The following NAT9 variants were observed in gnomAD, a reference collection of about 807,000 sequenced individuals.
The protein encoded by NAT9 is alpha/beta-tubulin-N-acetyltransferase 9.
NAT9 carries 18 observed loss-of-function variants against 24.0 expected under a neutral mutation model. That is an observed-to-expected ratio of 0.75 (90% CI 0.52 to 1.11). The LOEUF is 1.11. Ranked by LOEUF, NAT9 falls within the 50% of genes most tolerant of loss-of-function variation. The pLI, the probability that NAT9 is intolerant of heterozygous loss-of-function variation, is 0.00. For synonymous variants in NAT9, 104 were observed against 102.3 expected, an observed-to-expected ratio of 1.02 and a Z score of -0.10; for missense variants, 254 against 258.6, an observed-to-expected ratio of 0.98 and a Z score of 0.12.
chr17:74,776,264 C>G lies in NAT9; in HGVS notation c.-10+3G>C, dbSNP rs1021280572. 24 of 152,716 alleles carry G rather than the reference C, an allele frequency of 1.6e-4. No homozygotes were observed. The highest frequency in any genetic ancestry group is 5.8e-4 in the African/African-American group (24 of 41,488). The allele number at this position is 152,716 out of a possible 1,614,324, so 9.5% of individuals were successfully genotyped here. ...ACCCGGGTACTGCCAAGCTCACACC[C>G]ACCTACCACCGACGAAATCGTCCCC... On this transcript the variant is annotated splice_donor_region_variant and intron_variant, in intron 1 of 6. Coordinates refer to ENST00000357814, the MANE Select transcript of NAT9 (RefSeq NM_015654.5).
intron 4 of NAT9, 94 bp from the exon 5 acceptor site, chr17:74,772,371 T>G: frequency 2.0e-6 from 3 of 1,519,566 alleles, no homozygotes; most frequent in South Asian, 1.2e-5. Flanking sequence ...TCAACAACTC[T>G]GAAGTTGCTA....
chr17:74,775,648 T>C lies in NAT9; in HGVS notation c.51A>G (p.Val17=). ...TGGGCACATGCTCCGAGGTGTAGGGTACAAGGACCACCTTCTTCCCCAGCA... is the reference window on the plus strand; with the variant it reads ...TGGGCACATGCTCCGAGGTGTAGGGCACAAGGACCACCTTCTTCCCCAGCA... The part of the protein sequence containing the change: ...TLLLGKKVVL[V]PYTSEHVPSR... The change falls in exon 2 of 7, where the codon GTA becomes GTG. Residue 17 remains valine (V), a synonymous_variant. Transcript: ENST00000357814. The C allele has an allele frequency of 6.2e-7, 1 of 1,613,968 alleles. No individual in the cohort carries two copies. The highest frequency in any genetic ancestry group is 1.1e-5 in the South Asian group (1 of 91,084).
In NAT9 at chr17:74,772,951, G is replaced by A; in HGVS notation, c.279C>T (p.Leu93=). 1.2e-6 allele frequency: 2 copies of A among 1,614,218 alleles called. No homozygotes were observed. Among genetic ancestry groups the A allele is most frequent in the South Asian group, 1.1e-5 (1 of 91,086 alleles). Residue 93 remains leucine (L), a synonymous_variant, in exon 4 of 7, where the codon CTC becomes CTT. Coordinates refer to ENST00000357814, the MANE Select transcript of NAT9 (RefSeq NM_015654.5). ...TGAGGTCTTCTAGATCTGTGAGGAAGAGGTTCACATCTCCCACCATGCAGC... is the reference window on the plus strand; with the variant it reads ...TGAGGTCTTCTAGATCTGTGAGGAAAAGGTTCACATCTCCCACCATGCAGC... ...EESCMVGDVN[L]FLTDLEDLTL...
At position 74,775,699 on chromosome 17, in the gene NAT9, G is replaced by C; in HGVS notation, c.-1C>G. On this transcript the variant is annotated 5_prime_UTR_variant, in exon 2 of 7. Coordinates refer to ENST00000357814, the MANE Select transcript of NAT9 (RefSeq NM_015654.5). ...GCAAGGTGTTCTGATTCAACCTCAT[G>C]GTAGCAGCCTGCATGCAGATGGGGA... 2 of 1,614,010 alleles carry C rather than the reference G, an allele frequency of 1.2e-6. No homozygotes were observed. The highest frequency in any genetic ancestry group is 1.7e-6 in the Non-Finnish European group (2 of 1,179,902).
chr17:74,771,979 T>A lies in NAT9; in HGVS notation c.470A>T (p.Gln157Leu), dbSNP rs759239810. The A allele has an allele frequency of 1.2e-6, 2 of 1,614,264 alleles. No homozygotes were observed. The highest frequency in any genetic ancestry group is 1.7e-5 in the Admixed American group (1 of 60,026). ...QGNEPSIRMF[Q>L]KLHFEQVATS... ...CCTTACCTGCTCAAAGTGAAGTTTC[T>A]GGAACATCCGGATGCTTGGTTCATT... The change falls in exon 6 of 7, where the codon CAG becomes CTG. Residue 157 changes from glutamine (Q) to leucine (L), a missense_variant. Transcript: ENST00000357814.
chr17:74,773,981 T>C (rs1598377851), intron 2 of NAT9: 2 of 292,394 alleles, frequency 6.8e-6, no homozygotes, highest in Admixed American at 8.3e-5. Context: ...GGGATGTATA[T>C]GGCAAGCCAA....
chr17:74,774,673 C>A (rs2035743071), intron 2 of NAT9, among the ~76,000 whole-genome samples: 2 of 151,458 alleles, frequency 1.3e-5, no homozygotes, highest in Admixed American at 1.3e-4. Flanking sequence ...CCTCAGCCTC[C>A]CGAGTAGCTG....
rs558080942 is a variant in NAT9 at position 74,775,484 on chromosome 17, C to A, written c.77+138G>T. On this transcript the variant is annotated intron_variant, in intron 2 of 6. Coordinates refer to ENST00000357814, the MANE Select transcript of NAT9 (RefSeq NM_015654.5). Reference sequence around the variant, plus strand: ...AATTACAGGCGTGAGCCACGGCACCCAGCCTTTTTTCCCCCCTCATATATA... The same window carrying A: ...AATTACAGGCGTGAGCCACGGCACCAAGCCTTTTTTCCCCCCTCATATATA... 4 of 698,050 alleles carry A rather than the reference C, an allele frequency of 5.7e-6. No individual in the cohort carries two copies. The East Asian group carries it at 9.2e-5, about 16-fold the overall frequency. The allele number at this position is 698,050 out of a possible 1,614,324, so 43.2% of individuals were successfully genotyped here.
intron 3 of NAT9, chr17:74,773,374 A>G (rs1021957477): frequency 8.3e-6 from 5 of 600,070 alleles, no homozygotes; most frequent in African/African-American, 1.9e-5. Context: ...TCCAAGCCCG[A>G]TGCAGTGGGT....
chr17:74,773,376 G>A lies in NAT9; in HGVS notation c.190+200C>T, dbSNP rs1024821105. ...TTCTCCAAATCCTTCCAAGCCCGAT[G>A]CAGTGGGTGGGGAAGAGGACAGAAG... On this transcript the variant is annotated intron_variant, in intron 3 of 6. Transcript: ENST00000357814. The A allele has an allele frequency of 5.0e-6, 3 of 600,090 alleles. No homozygotes were observed. In the African/African-American group the frequency reaches 5.6e-5, roughly 11 times the overall value. 37.2% of individuals were successfully genotyped at this position (600,090 alleles called of 1,614,324 possible). A position where few individuals can be genotyped will look rare whatever the true frequency, so the allele number is the denominator to read the frequency against.
chr17:74,771,509 G>C lies in NAT9; in HGVS notation c.*215C>G, dbSNP rs560306034. On this transcript the variant is annotated 3_prime_UTR_variant, in exon 7 of 7. Transcript: ENST00000357814. Reference sequence around the variant, plus strand: ...AGAGTCTGGGTCTGGGTTTGGCCGGGAGGGGAGAAGGGAACTGGCCCTGGC... The same window carrying C: ...AGAGTCTGGGTCTGGGTTTGGCCGGCAGGGGAGAAGGGAACTGGCCCTGGC... The C allele has an allele frequency of 2.8e-6, 2 of 704,750 alleles. No homozygotes were observed. The highest frequency in any genetic ancestry group is 1.8e-5 in the African/African-American group (1 of 55,838). 43.7% of individuals were successfully genotyped at this position (704,750 alleles called of 1,614,324 possible). A position where few individuals can be genotyped will look rare whatever the true frequency, so the allele number is the denominator to read the frequency against.
intron 4 of NAT9, 119 bp downstream of exon 4, chr17:74,772,775 ACT>A: frequency 6.9e-7 from 1 of 1,451,172 alleles, no homozygotes; most frequent in Non-Finnish European, 9.4e-7. Flanking sequence ...CAGGCCCTGG[ACT>A]CACCACATGG....
rs1226065840 is a variant in NAT9 at position 74,771,834 on chromosome 17, C to A, written c.514G>T (p.Glu172Ter). Residue 172 changes from glutamate (E) to a stop codon, truncating the protein, a stop_gained, in exon 7 of 7, where the codon GAG becomes TAG. Transcript: ENST00000357814. LOFTEE classifies it high-confidence loss of function. ...CTCACTGTCAGTCTGAGGGTCACCT[C>A]CTGAAAAACACTGCTCGTAGCCACC... Reference protein sequence around the residue: ...EQVATSSVFQEVTLRLTVSES... With the variant: ...EQVATSSVFQ The A allele has an allele frequency of 6.2e-7, 1 of 1,614,232 alleles. No individual in the cohort carries two copies. The highest frequency in any genetic ancestry group is 1.6e-4 in the Middle Eastern group (1 of 6,062).
chr17:74,773,371 C>G, intron 3 of NAT9: 1 of 599,532 alleles, frequency 1.7e-6, no homozygotes, highest in Middle Eastern at 4.5e-4. Context: ...CCTTCCAAGC[C>G]CGATGCAGTG....
chr17:74,770,856 G>T lies in NAT9; in HGVS notation c.*868C>A, dbSNP rs564728801. 1 of 152,218 alleles carries T rather than the reference G, an allele frequency of 6.6e-6. No homozygotes were observed. The allele number at this position is 152,218 out of a possible 1,614,324, so 9.4% of individuals were successfully genotyped here. ...CCAACTCTACTTTGTAAGCCATAGGGTGCCAGGTAGCCCGGCCACCCTGAG... is the reference window on the plus strand; with the variant it reads ...CCAACTCTACTTTGTAAGCCATAGGTTGCCAGGTAGCCCGGCCACCCTGAG... On this transcript the variant is annotated 3_prime_UTR_variant, in exon 7 of 7. Transcript: ENST00000357814.
At chr17:74,772,532 G>A in intron 4 of NAT9, 2 of 1,410,144 alleles carry the variant, frequency 1.4e-6, no homozygotes, top group Non-Finnish European at 9.2e-7. Flanking sequence ...AGCCACTTGG[G>A]GGAAACTGAG....
Position 74,771,613 on chromosome 17 carries a change from G to A in NAT9, c.*111C>T. Reference sequence around the variant, plus strand: ...GCCAGAGTCTGAAGGGCCTCGAAAGGTGATTCCCAGCCTGGGCCAGGAGCA... The same window carrying A: ...GCCAGAGTCTGAAGGGCCTCGAAAGATGATTCCCAGCCTGGGCCAGGAGCA... On this transcript the variant is annotated 3_prime_UTR_variant, in exon 7 of 7. Transcript: ENST00000357814. The A allele has an allele frequency of 2.7e-6, 4 of 1,502,414 alleles. No individual in the cohort carries two copies. The highest frequency in any genetic ancestry group is 3.6e-6 in the Non-Finnish European group (4 of 1,118,506). The allele number at this position is 1,502,414 out of a possible 1,614,324, so 93.1% of individuals were successfully genotyped here.
intron 3 of NAT9, chr17:74,773,269 AG>A (rs1393370027): frequency 6.5e-6 from 4 of 611,904 alleles, no homozygotes; most frequent in Non-Finnish European, 1.1e-5. Context: ...AACACAGAGG[AG>A]GGCAGTCACC....
intron 2 of NAT9, 138 bp downstream of exon 2, chr17:74,775,484 C>T (rs558080942): frequency 4.3e-6 from 3 of 698,050 alleles, no homozygotes; most frequent in Admixed American, 6.4e-5. Flanking sequence ...CCACGGCACC[C>T]AGCCTTTTTT....
Sources: allele counts gnomAD v4.1 joint callset (sites outside exome capture counted in the v4.1 genomes callset), GRCh38; gene constraint gnomAD v4.1.1; transcripts MANE v1.5; gene names NCBI Gene and HGNC (gene_info 2026-07-23, HGNC 2026-07-21).